PSD2: variants seen among roughly 807,000 people sequenced by gnomAD.
PSD2 encodes PH and SEC7 domain-containing protein 2.
Under a neutral mutation model 69.8 loss-of-function variants are expected in PSD2, and 38 were observed. The observed-to-expected ratio is 0.54, with a 90% CI of 0.42 to 0.71. The LOEUF (loss-of-function observed/expected upper bound fraction) is 0.71. Ranked by LOEUF, PSD2 falls within the 30% of genes least tolerant of loss-of-function variation. The probability of loss-of-function intolerance (pLI) is 0.00; values close to 1 mark genes in which losing one functional copy is unlikely to be tolerated. For missense variants in PSD2, 943 were observed against 1,014.5 expected (o/e 0.93, Z 0.96); for synonymous variants, 412 against 423.0 (o/e 0.97, Z 0.32).
At chr5:139,808,410 G>A (rs1270122740) in intron 1 of PSD2, among the ~76,000 whole-genome samples, 1 of 152,224 alleles carries the variant, frequency 6.6e-6, no homozygotes, top group African/African-American at 2.4e-5. Context: ...CGGTGAAGAT[G>A]ATGGGTAAAT....
chr5:139,807,794 C>T (rs1055897734), intron 1 of PSD2, among the ~76,000 whole-genome samples: 23 of 152,312 alleles, frequency 1.5e-4, no homozygotes, highest in African/African-American at 5.5e-4. Context: ...CCGCCTCCCT[C>T]CCCAGGCTCT....
chr5:139,798,946 C>A (rs890653501), intron 1 of PSD2, among the ~76,000 whole-genome samples: 1 of 152,010 alleles, frequency 6.6e-6, no homozygotes, highest in Non-Finnish European at 1.5e-5. Flanking sequence ...GTGTTTCAAT[C>A]TGGATGAATC....
intron 1 of PSD2, among the ~76,000 whole-genome samples, chr5:139,800,998 A>G (rs1200835000): frequency 6.6e-6 from 1 of 152,122 alleles, no homozygotes; most frequent in Admixed American, 6.5e-5. Flanking sequence ...TGAGGTCAGG[A>G]GTTCAAGACC....
At chr5:139,778,731 C>T in the PSD2 span, among the ~76,000 whole-genome samples, 2 of 151,784 alleles carry the variant, frequency 1.3e-5, no homozygotes, top group Non-Finnish European at 2.9e-5. Context: ...TGAGATCAGC[C>T]TGGCAACTTG....
At chr5:139,766,526 A>G in the PSD2 span, among the ~76,000 whole-genome samples, 3 of 152,064 alleles carry the variant, frequency 2.0e-5, no homozygotes, top group African/African-American at 7.2e-5. Flanking sequence ...AGCAGAAGGG[A>G]CCCAGGTTAG....
At chr5:139,778,289 C>T in the PSD2 span, among the ~76,000 whole-genome samples, 1 of 152,204 alleles carries the variant, frequency 6.6e-6, no homozygotes, top group African/African-American at 2.4e-5. Flanking sequence ...AATAAGGAGA[C>T]ATTAAGGCCC....
the PSD2 span, among the ~76,000 whole-genome samples, chr5:139,788,917 T>C: frequency 6.6e-6 from 1 of 152,220 alleles, no homozygotes; most frequent in African/African-American, 2.4e-5. Context: ...ACCTCAGCCT[T>C]GCTGGCCCCC....
chr5:139,804,575 C>T (rs1021754191), intron 1 of PSD2, among the ~76,000 whole-genome samples: 2 of 152,028 alleles, frequency 1.3e-5, no homozygotes, highest in Non-Finnish European at 2.9e-5. Flanking sequence ...TTTTTTTGTG[C>T]CCAACTTCCC....
chr5:139,782,073 T>TG, the PSD2 span, among the ~76,000 whole-genome samples: 1 of 152,250 alleles, frequency 6.6e-6, no homozygotes, highest in African/African-American at 2.4e-5. Context: ...TGAGCCCATG[T>TG]GGGCTCCCAG....
the PSD2 span, among the ~76,000 whole-genome samples, chr5:139,766,135 G>A: frequency 4.6e-5 from 7 of 152,160 alleles, no homozygotes; most frequent in Non-Finnish European, 1.0e-4. Flanking sequence ...GCAGAATGGT[G>A]GTGGGGGTGG....
In PSD2 at chr5:139,835,786, A is replaced by G; in HGVS notation, c.1403+20A>G. 1 of 1,613,052 alleles carries G rather than the reference A, an allele frequency of 6.2e-7. No homozygotes were observed. The highest frequency in any genetic ancestry group is 8.5e-7 in the Non-Finnish European group (1 of 1,179,020). On this transcript the variant is annotated intron_variant, in intron 9 of 14. Transcript: ENST00000274710. ...GGCCATGTGAGTAGTGACGATGGGC[A>G]CAGGTATGGGGAGCATACATCCCTG...
rs745592432 is a variant in PSD2, at chr5:139,835,779, G to T, written c.1403+13G>T. 1.2e-6 allele frequency: 2 copies of T among 1,613,514 alleles called. No individual in the cohort carries two copies. The highest frequency in any genetic ancestry group is 1.7e-6 in the Non-Finnish European group (2 of 1,179,458). ...TGGAATGGGCCATGTGAGTAGTGACGATGGGCACAGGTATGGGGAGCATAC... is the reference window on the plus strand; with the variant it reads ...TGGAATGGGCCATGTGAGTAGTGACTATGGGCACAGGTATGGGGAGCATAC... On this transcript the variant is annotated intron_variant, in intron 9 of 14. Coordinates refer to ENST00000274710, the MANE Select transcript of PSD2 (RefSeq NM_032289.4).
At chr5:139,767,136 G>A in the PSD2 span, among the ~76,000 whole-genome samples, 1 of 151,370 alleles carries the variant, frequency 6.6e-6, no homozygotes, top group African/African-American at 2.4e-5. Flanking sequence ...GGGACTACAG[G>A]CACCCGCCAC....
chr5:139,763,583 C>A, the PSD2 span, among the ~76,000 whole-genome samples: 1 of 152,218 alleles, frequency 6.6e-6, no homozygotes, highest in Non-Finnish European at 1.5e-5. Context: ...CTGGGCCAGC[C>A]CCTCACCCCC....
At chr5:139,763,725 C>A in the PSD2 span, among the ~76,000 whole-genome samples, 4 of 152,212 alleles carry the variant, frequency 2.6e-5, no homozygotes, top group African/African-American at 9.6e-5. Flanking sequence ...GCTTCCTAAC[C>A]ACATCTTCTG....
chr5:139,789,883 T>C, the PSD2 span, among the ~76,000 whole-genome samples: 1 of 151,256 alleles, frequency 6.6e-6, no homozygotes, highest in East Asian at 1.9e-4. Flanking sequence ...GGTAGAATTT[T>C]AGTAGAGTGG....
rs114345872 is a variant in PSD2 at position 139,812,089 on chromosome 5, C to T, written c.372-1220C>T. Among the ~76,000 whole-genome samples the T allele has an allele frequency of 1.9e-3, 296 of 152,318 alleles. 1 individual carries two copies. The highest frequency in any genetic ancestry group is 3.4e-3 in the Non-Finnish European group (232 of 68,022). On this transcript the variant is annotated intron_variant, in intron 2 of 14. Coordinates refer to ENST00000274710, the MANE Select transcript of PSD2 (RefSeq NM_032289.4). ...TCAGGTCATCTATGTGCGATGCTCT[C>T]TTCCAGGTGCTGGAGATGAACAAAA...
rs146559458 is a variant in PSD2 at position 139,809,253 on chromosome 5, TGG to T, written c.-50-137_-50-136del. ...GCATGGCCCGAACCCACACTCCAGCTGGAAGGGCCCCGAGGAGGTCATCTTGG... is the reference window on the plus strand; with the variant it reads ...GCATGGCCCGAACCCACACTCCAGCTAAGGGCCCCGAGGAGGTCATCTTGG... On this transcript the variant is annotated intron_variant, in intron 1 of 14. Transcript: ENST00000274710. 4.4e-5 allele frequency: 30 copies of T among 675,694 alleles called. No individual in the cohort carries two copies. The African/African-American group carries it at 4.7e-4, about 11-fold the overall frequency. 41.9% of individuals were successfully genotyped at this position (675,694 alleles called of 1,614,324 possible).
the PSD2 span, among the ~76,000 whole-genome samples, chr5:139,785,246 T>C: frequency 6.9e-6 from 1 of 144,728 alleles, no homozygotes; most frequent in Non-Finnish European, 1.5e-5. Context: ...TTTTTTTTTT[T>C]CAGGGTCTGC....
Sources: allele counts gnomAD v4.1 joint callset (sites outside exome capture counted in the v4.1 genomes callset), GRCh38; gene constraint gnomAD v4.1.1; transcripts MANE v1.5; gene names NCBI Gene and HGNC (gene_info 2026-07-23, HGNC 2026-07-21).